FSTL5: variants seen among roughly 807,000 people sequenced by gnomAD.
FSTL5 encodes follistatin like 5.
FSTL5 carries 62 observed loss-of-function variants against 89.1 expected under a neutral mutation model. That is an observed-to-expected ratio of 0.70 (90% confidence interval 0.57 to 0.86). The LOEUF (loss-of-function observed/expected upper bound fraction) is 0.86. Among genes scored for constraint, FSTL5 ranks in the 40% least tolerant of loss-of-function variants. The probability of loss-of-function intolerance (pLI) is 0.00; values close to 1 mark genes in which losing one functional copy is unlikely to be tolerated. For missense variants in FSTL5, 1,057 were observed against 1,001.6 expected, an observed-to-expected ratio of 1.06 and a Z score of -0.75; for synonymous variants, 383 against 346.2, an observed-to-expected ratio of 1.11 and a Z score of -1.18.
rs114554575 is a variant in FSTL5, at chr4:161,852,858, G to C, written c.409+67546C>G. Among the ~76,000 whole-genome samples, 1,087 of 152,210 alleles carry C rather than the reference G, an allele frequency of 7.1e-3. 13 individuals carry two copies. The highest frequency in any genetic ancestry group is 0.021 in the African/African-American group (882 of 41,528). ...CTGTTGGGGTGCGTGGGAGGAGGGA[G>C]AGCATCAGGAAGAATAGCTAATGGA... On this transcript the variant is annotated intron_variant, in intron 4 of 15. Transcript: ENST00000306100.
At position 161,481,082 on chromosome 4, in the gene FSTL5, C is replaced by T; in HGVS notation, c.1546G>A (p.Val516Ile). Reference protein sequence around the residue: ...AVNVKDKFIYVAQPTLDRVLI... With the variant: ...AVNVKDKFIYIAQPTLDRVLI... The stretch of plus-strand genomic sequence containing the variant: ...ACTCTGTCCAAAGTTGGCTGTGCAA[C>T]ATAAATGAACTTGTCTTTGACATTA... Residue 516 changes from valine (V) to isoleucine (I), a missense_variant, in exon 13 of 16, where the codon GTT becomes ATT. This residue lies in a region of FSTL5 where 980 missense variants were observed against 903.2 expected (regional missense o/e 1.08). Transcript: ENST00000306100. 6.2e-7 allele frequency: 1 copy of T among 1,613,208 alleles called. No homozygotes were observed. Among genetic ancestry groups the T allele is most frequent in the East Asian group, 2.2e-5 (1 of 44,800 alleles).
At chr4:162,002,960 C>G (rs367621967) in intron 3 of FSTL5, among the ~76,000 whole-genome samples, 1 of 151,874 alleles carries the variant, frequency 6.6e-6, no homozygotes, top group Non-Finnish European at 1.5e-5. Context: ...CTGGCTAACA[C>G]AGTGAAACCC....
At chr4:161,925,875 C>G (rs1279873749) in intron 3 of FSTL5, among the ~76,000 whole-genome samples, 1 of 151,622 alleles carries the variant, frequency 6.6e-6, no homozygotes, top group African/African-American at 2.4e-5. Flanking sequence ...TTTTCATGGA[C>G]TTTCACTGTA....
At chr4:161,852,665 T>A (rs932534724) in intron 4 of FSTL5, among the ~76,000 whole-genome samples, 1 of 152,224 alleles carries the variant, frequency 6.6e-6, no homozygotes, top group African/African-American at 2.4e-5. Flanking sequence ...TGAATCTGTA[T>A]GTTTATTACA....
chr4:161,452,587 T>C (rs1445392603), intron 15 of FSTL5, among the ~76,000 whole-genome samples: 4 of 152,192 alleles, frequency 2.6e-5, no homozygotes, highest in East Asian at 3.9e-4. Context: ...CTACCTTACA[T>C]AGTTAACAGT....
intron 4 of FSTL5, among the ~76,000 whole-genome samples, chr4:161,896,113 A>T (rs1393226247): frequency 6.6e-6 from 1 of 152,072 alleles, no homozygotes; most frequent in Non-Finnish European, 1.5e-5. Context: ...CTTTTGATAT[A>T]TTGTCATTAT....
chr4:161,522,287 C>A (rs1451513955), intron 10 of FSTL5, among the ~76,000 whole-genome samples: 2 of 152,220 alleles, frequency 1.3e-5, no homozygotes, highest in South Asian at 4.1e-4. Flanking sequence ...GCAGTGTAGC[C>A]AACTGTGGCT....
At position 161,463,697 on chromosome 4, in the gene FSTL5, G is replaced by A. The variant is rs150130980; in HGVS notation, c.1609-4378C>T. ...TATAGAACAGAAGGGCAATATTTTT[G>A]ACACTTACAAAATTTTGTTTTTGCC... On this transcript the variant is annotated intron_variant, in intron 13 of 15. Transcript: ENST00000306100. 2.1e-3 allele frequency among the ~76,000 whole-genome samples: 316 copies of A among 152,258 alleles called. 1 individual carries two copies. Among genetic ancestry groups the A allele is most frequent in the African/African-American group, 7.2e-3 (299 of 41,542 alleles).
At chr4:161,873,501 CTTCT>C (rs1732341215) in intron 4 of FSTL5, among the ~76,000 whole-genome samples, 1 of 148,060 alleles carries the variant, frequency 6.8e-6, no homozygotes, top group Non-Finnish European at 1.5e-5. Flanking sequence ...TCCTTCCTTC[CTTCT>C]TTCCTTCCTT....
intron 7 of FSTL5, among the ~76,000 whole-genome samples, chr4:161,589,755 T>C (rs1733741070): frequency 6.6e-6 from 1 of 152,042 alleles, no homozygotes; most frequent in African/African-American, 2.4e-5. Context: ...GGGCTCTCCG[T>C]AGAGAAGTTT....
At chr4:162,120,306 G>C (rs1731801360) in intron 1 of FSTL5, among the ~76,000 whole-genome samples, 2 of 152,024 alleles carry the variant, frequency 1.3e-5, no homozygotes, top group South Asian at 4.1e-4. Flanking sequence ...TAAACAAATG[G>C]TACTTACGAA....
At chr4:162,044,887 A>G (rs1018452048) in intron 2 of FSTL5, among the ~76,000 whole-genome samples, 1 of 152,146 alleles carries the variant, frequency 6.6e-6, no homozygotes, top group African/African-American at 2.4e-5. Context: ...AGAATTGAAA[A>G]GAGTGAGAAT....
At chr4:161,506,618 G>A (rs148591014) in intron 11 of FSTL5, among the ~76,000 whole-genome samples, 1 of 152,128 alleles carries the variant, frequency 6.6e-6, no homozygotes, top group Non-Finnish European at 1.5e-5. Flanking sequence ...ACACTTAGAA[G>A]CTGTATTTTC....
intron 8 of FSTL5, among the ~76,000 whole-genome samples, chr4:161,550,508 A>T (rs1467016568): frequency 5.3e-5 from 8 of 151,426 alleles, no homozygotes; most frequent in African/African-American, 1.9e-4. Context: ...GTTAAAACAA[A>T]TAACTTTTTT....
chr4:162,048,993 C>T (rs186252168), intron 2 of FSTL5, among the ~76,000 whole-genome samples: 55 of 152,246 alleles, frequency 3.6e-4, no homozygotes, highest in African/African-American at 1.3e-3. Flanking sequence ...AATGCTAAAA[C>T]TCTTGAAGTG....
intron 1 of FSTL5, among the ~76,000 whole-genome samples, chr4:162,161,049 G>T (rs1324136776): frequency 6.6e-6 from 1 of 151,904 alleles, no homozygotes; most frequent in African/African-American, 2.4e-5. Context: ...AGCACGTCAT[G>T]TAATATATAA....
chr4:162,139,824 T>C (rs919434955), intron 1 of FSTL5, among the ~76,000 whole-genome samples: 3 of 151,874 alleles, frequency 2.0e-5, no homozygotes, highest in African/African-American at 4.8e-5. Context: ...GTGACAAAAA[T>C]AAGAATGTCA....
intron 12 of FSTL5, among the ~76,000 whole-genome samples, chr4:161,492,313 T>C (rs376362192): frequency 1.4e-4 from 22 of 152,280 alleles, no homozygotes; most frequent in African/African-American, 5.1e-4. Context: ...GCACGAGTGA[T>C]AGTTTGGAAG....
intron 15 of FSTL5, among the ~76,000 whole-genome samples, chr4:161,448,795 A>G (rs1358832693): frequency 6.6e-6 from 1 of 152,050 alleles, no homozygotes; most frequent in East Asian, 1.9e-4. Context: ...CACTCTTAGC[A>G]CTTATTTCAC....
Sources: gnomAD v4.1 joint callset for allele counts (sites outside exome capture counted in the v4.1 genomes callset) on GRCh38, gnomAD v4.1.1 for gene constraint, gnomAD v4.1.1 regional missense constraint, MANE v1.5 for transcripts, NCBI Gene and HGNC (gene_info 2026-07-23, HGNC 2026-07-21) for gene names.